PTK2: variants seen among roughly 807,000 people sequenced by gnomAD.
The protein encoded by PTK2 is protein tyrosine kinase 2.
PTK2 carries 45 observed loss-of-function variants against 150.1 expected under a neutral mutation model. The ratio of observed to expected loss-of-function variants is 0.30; its 90% CI spans 0.24 to 0.38. PTK2 has a LOEUF of 0.38. PTK2 is among the 10% of genes least tolerant of loss of function. The probability of loss-of-function intolerance (pLI) is 1.00; values close to 1 mark genes in which losing one functional copy is unlikely to be tolerated. For synonymous variants in PTK2, 432 were observed against 449.2 expected (o/e 0.96, Z 0.48); for missense variants, 919 against 1,307.3 (o/e 0.70, Z 4.58).
At chr8:140,967,461 CTTTTT>C (rs137959476) in intron 1 of PTK2, among the ~76,000 whole-genome samples, 3 of 121,524 alleles carry the variant, frequency 2.5e-5, no homozygotes, top group East Asian at 2.3e-4. Flanking sequence ...TTCTTTCTTT[CTTTTT>C]TTTTTTTTTT....
intron 2 of PTK2, among the ~76,000 whole-genome samples, chr8:140,910,618 T>C (rs1292464252): frequency 6.6e-6 from 1 of 152,064 alleles, no homozygotes; most frequent in Non-Finnish European, 1.5e-5. Context: ...AACAAAGAAA[T>C]TAAGAATACA....
In PTK2 at chr8:140,978,066, C is replaced by G. The variant is rs575646334; in HGVS notation, c.-122+23059G>C. Among the ~76,000 whole-genome samples the G allele has an allele frequency of 7.9e-5, 12 of 152,288 alleles. 1 individual carries two copies. The highest frequency in any genetic ancestry group is 6.8e-3 in the Middle Eastern group (2 of 294). The stretch of plus-strand genomic sequence containing the variant: ...AAACTGGCTAGCCATATGTAGAAAG[C>G]TGAATCTGGATCCCTTCCTTACACC... On this transcript the variant is annotated intron_variant, in intron 1 of 31. Transcript: ENST00000522684.
At chr8:140,975,460 A>G (rs1241941827) in intron 1 of PTK2, among the ~76,000 whole-genome samples, 1 of 152,184 alleles carries the variant, frequency 6.6e-6, no homozygotes, top group Non-Finnish European at 1.5e-5. Context: ...TCACACCTCC[A>G]TGCCTTTGCA....
rs541989189 is a variant in PTK2, at chr8:140,715,714, C to G, written c.2142+1884G>C. Among the ~76,000 whole-genome samples, 3 of 151,770 alleles carry G rather than the reference C, an allele frequency of 2.0e-5. No homozygotes were observed. In the East Asian group the frequency reaches 5.8e-4, roughly 29 times the overall value. On this transcript the variant is annotated intron_variant, in intron 23 of 31. Transcript: ENST00000522684. ...CTCATCTGTTTACTTAACAAATAAA[C>G]CTTTGTGTAGAGTGCAGCAATCTGC...
intron 14 of PTK2, among the ~76,000 whole-genome samples, chr8:140,781,751 G>A (rs149992173): frequency 6.6e-6 from 1 of 152,258 alleles, no homozygotes; most frequent in East Asian, 1.9e-4. Flanking sequence ...GAGTGGTTCC[G>A]GGTCCTTTTT....
chr8:140,921,612 C>A (rs1444576366), intron 2 of PTK2, among the ~76,000 whole-genome samples: 2 of 152,110 alleles, frequency 1.3e-5, no homozygotes, highest in Non-Finnish European at 2.9e-5. Flanking sequence ...CTGGTTGGTA[C>A]TGTCATAGTA....
At chr8:140,868,617 T>G (rs1218342893) in intron 4 of PTK2, among the ~76,000 whole-genome samples, 2 of 152,194 alleles carry the variant, frequency 1.3e-5, no homozygotes, top group Non-Finnish European at 2.9e-5. Context: ...GCCATCATTA[T>G]GGACTTCCTG....
intron 7 of PTK2, among the ~76,000 whole-genome samples, chr8:140,840,202 C>CTGCG (rs1289802291): frequency 6.6e-6 from 1 of 152,136 alleles, no homozygotes; most frequent in Non-Finnish European, 1.5e-5. Context: ...GAGACCACAG[C>CTGCG]TGCGTGCCAC....
chr8:140,762,105 A>G (rs908137616), intron 15 of PTK2, among the ~76,000 whole-genome samples: 10 of 152,162 alleles, frequency 6.6e-5, no homozygotes, highest in African/African-American at 2.4e-4. Context: ...GTAATCACCA[A>G]TGAAATACAC....
chr8:140,889,363 G>A (rs2100153456), intron 3 of PTK2, among the ~76,000 whole-genome samples: 1 of 152,054 alleles, frequency 6.6e-6, no homozygotes, highest in African/African-American at 2.4e-5. Flanking sequence ...CTGAGTAGCT[G>A]GGACTATAGG....
chr8:140,864,553 T>A lies in PTK2; in HGVS notation c.363-154A>T, dbSNP rs180915109. On this transcript the variant is annotated intron_variant, in intron 4 of 31. Coordinates refer to ENST00000522684, the Ensembl canonical transcript of PTK2. ...TCAATTAATCTTTAAATGTAATTTT[T>A]AAACATTTTAGCACAAAAAAAGAGC... Among the ~76,000 whole-genome samples, 335 of 152,330 alleles carry A rather than the reference T, an allele frequency of 2.2e-3. 4 individuals carry two copies. The highest frequency in any genetic ancestry group is 6.8e-3 in the African/African-American group (282 of 41,570).
intron 2 of PTK2, chr8:140,921,237 A>C: frequency 1.6e-6 from 1 of 645,106 alleles, no homozygotes; most frequent in Non-Finnish European, 2.0e-6. Context: ...TCAGGGAAGG[A>C]GAAAGAGGGA....
At chr8:140,917,680 GAATT>G (rs1289298730) in intron 2 of PTK2, among the ~76,000 whole-genome samples, 1 of 151,896 alleles carries the variant, frequency 6.6e-6, no homozygotes, top group East Asian at 1.9e-4. Flanking sequence ...ACCCTACAAA[GAATT>G]TATTCATTCA....
intron 1 of PTK2, among the ~76,000 whole-genome samples, chr8:140,949,953 G>A (rs1249709527): frequency 6.6e-6 from 1 of 151,946 alleles, no homozygotes; most frequent in Admixed American, 6.6e-5. Context: ...TCCCTTCTGA[G>A]CCCATAAAAA....
At chr8:140,710,421 G>A (rs2100036153) in intron 23 of PTK2, among the ~76,000 whole-genome samples, 1 of 151,476 alleles carries the variant, frequency 6.6e-6, no homozygotes, top group African/African-American at 2.4e-5. Flanking sequence ...GATGGTTCAA[G>A]ACTTTGGGAG....
chr8:140,714,761 C>T (rs1360000541), intron 23 of PTK2, among the ~76,000 whole-genome samples: 1 of 125,806 alleles, frequency 7.9e-6, no homozygotes, highest in South Asian at 2.6e-4. Flanking sequence ...TGCGCCACTG[C>T]ACTCCAGCCC....
intron 27 of PTK2, among the ~76,000 whole-genome samples, chr8:140,676,354 C>T (rs2100013632): frequency 6.6e-6 from 1 of 151,478 alleles, no homozygotes; most frequent in South Asian, 2.1e-4. Context: ...CCAGCCTGGG[C>T]AACAGAGCAA....
At chr8:140,716,511 A>T (rs1276219812) in intron 23 of PTK2, among the ~76,000 whole-genome samples, 2 of 152,118 alleles carry the variant, frequency 1.3e-5, no homozygotes. Flanking sequence ...CTCTCTGTAG[A>T]GGGGGCTGGT....
intron 14 of PTK2, among the ~76,000 whole-genome samples, chr8:140,774,128 C>T (rs148550974): frequency 2.8e-4 from 42 of 152,300 alleles, no homozygotes; most frequent in African/African-American, 9.1e-4. Context: ...AAATGACAGA[C>T]GATGTCACTC....
Sources: gnomAD v4.1 joint callset for allele counts (sites outside exome capture counted in the v4.1 genomes callset) on GRCh38, gnomAD v4.1.1 for gene constraint, MANE v1.5 for transcripts, NCBI Gene and HGNC (gene_info 2026-07-23, HGNC 2026-07-21) for gene names.